Variants in INVS observed in about 807,000 individuals in gnomAD.
INVS encodes the protein inversion of embryo turning homolog.
Under a neutral mutation model 108.8 loss-of-function variants are expected in INVS, and 86 were observed. The ratio of observed to expected loss-of-function variants is 0.79; its 90% CI spans 0.66 to 0.95. INVS has a LOEUF of 0.95. Ranked by LOEUF, INVS falls within the 40% of genes least tolerant of loss-of-function variation. The pLI, the probability that INVS is intolerant of heterozygous loss-of-function variation, is 0.00. For missense variants in INVS, 1,169 were observed against 1,297.4 expected (o/e 0.90, Z 1.52); for synonymous variants, 455 against 473.5 (o/e 0.96, Z 0.51).
chr9:100,189,909 C>T (rs942789636), intron 3 of INVS, among the ~76,000 whole-genome samples: 2 of 151,848 alleles, frequency 1.3e-5, no homozygotes, highest in Non-Finnish European at 2.9e-5. Context: ...GTAGAATTTT[C>T]TGTATTGGTT....
intron 1 of INVS, among the ~76,000 whole-genome samples, chr9:100,100,887 A>AATATATATATTATATATGTATATATAAT (rs1486795978): frequency 2.0e-5 from 1 of 49,788 alleles, no homozygotes; most frequent in Non-Finnish European, 3.2e-5. Context: ...ATGTATATAT[A>AATATATATATTATATATGTATATATAAT]ATATATATTA....
intron 3 of INVS, among the ~76,000 whole-genome samples, chr9:100,142,353 C>T (rs536234966): frequency 5.9e-5 from 9 of 152,198 alleles, no homozygotes; most frequent in South Asian, 2.1e-4. Context: ...GGGGGCAGAG[C>T]GGTAGCCTCA....
chr9:100,123,998 G>A (rs1346045860), intron 2 of INVS, among the ~76,000 whole-genome samples: 3 of 152,064 alleles, frequency 2.0e-5, no homozygotes, highest in Admixed American at 6.6e-5. Context: ...TAGTAGAGAC[G>A]GGTTTTTGCC....
intron 16 of INVS, among the ~76,000 whole-genome samples, chr9:100,299,414 T>C (rs1181633384): frequency 2.0e-5 from 3 of 151,938 alleles, no homozygotes; most frequent in African/African-American, 4.8e-5. Context: ...AAGGTGGATA[T>C]AGCAAAATGC....
chr9:100,107,710 C>T (rs1827223450), intron 2 of INVS, among the ~76,000 whole-genome samples: 1 of 152,064 alleles, frequency 6.6e-6, no homozygotes, highest in Admixed American at 6.6e-5. Flanking sequence ...CCCTCTTGGC[C>T]CTCTGTAGTT....
chr9:100,186,092 G>C (rs1314148510), intron 3 of INVS, among the ~76,000 whole-genome samples: 1 of 152,020 alleles, frequency 6.6e-6, no homozygotes, highest in East Asian at 1.9e-4. Context: ...TGGGTCAAAT[G>C]GTAGATCTAC....
At chr9:100,113,416 C>T (rs1329115465) in intron 2 of INVS, among the ~76,000 whole-genome samples, 1 of 152,178 alleles carries the variant, frequency 6.6e-6, no homozygotes, top group Non-Finnish European at 1.5e-5. Context: ...TGCTTTTTAC[C>T]AGCGAAGTAA....
At chr9:100,160,161 G>C (rs1367327123) in intron 3 of INVS, among the ~76,000 whole-genome samples, 1 of 152,136 alleles carries the variant, frequency 6.6e-6, no homozygotes, top group Non-Finnish European at 1.5e-5. Flanking sequence ...CATATTCTGA[G>C]GGCATATTCT....
At chr9:100,236,626 G>T (rs1831694455) in intron 5 of INVS, among the ~76,000 whole-genome samples, 1 of 152,122 alleles carries the variant, frequency 6.6e-6, no homozygotes, top group Non-Finnish European at 1.5e-5. Flanking sequence ...TCTTCTAGGG[G>T]CCTGCTGGAG....
At chr9:100,237,571 C>T (rs1831728937) in intron 5 of INVS, among the ~76,000 whole-genome samples, 1 of 152,122 alleles carries the variant, frequency 6.6e-6, no homozygotes, top group South Asian at 2.1e-4. Context: ...CCGTCCCTGC[C>T]GGCACTGTGC....
intron 3 of INVS, among the ~76,000 whole-genome samples, chr9:100,174,672 G>A (rs1268799843): frequency 6.6e-6 from 1 of 152,116 alleles, no homozygotes. Context: ...CTGCACTTTG[G>A]GAGGCTGAGG....
intron 3 of INVS, among the ~76,000 whole-genome samples, chr9:100,177,438 G>A (rs888861417): frequency 6.6e-6 from 1 of 152,180 alleles, no homozygotes; most frequent in African/African-American, 2.4e-5. Context: ...AGCTTGGTGG[G>A]GGGAGGGGCG....
intron 3 of INVS, among the ~76,000 whole-genome samples, chr9:100,219,423 TA>T (rs1831078378): frequency 3.3e-5 from 5 of 152,144 alleles, no homozygotes; most frequent in Admixed American, 3.3e-4. Flanking sequence ...CTGGGCAAGC[TA>T]TAGCAAGACC....
chr9:100,224,152 C>T (rs187561654), intron 3 of INVS, among the ~76,000 whole-genome samples: 7 of 152,286 alleles, frequency 4.6e-5, no homozygotes, highest in Non-Finnish European at 7.3e-5. Flanking sequence ...AGCCAGGTGC[C>T]GCGGTGTGGA....
intron 3 of INVS, among the ~76,000 whole-genome samples, chr9:100,171,651 A>G (rs1320144000): frequency 1.3e-5 from 2 of 152,160 alleles, no homozygotes; most frequent in East Asian, 3.8e-4. Context: ...AAACTTGAAT[A>G]TTATTTAAAT....
Position 100,301,767 on chromosome 9 carries a change from G to A in INVS, c.*1093G>A, listed in dbSNP as rs756626071. 1.3e-5 allele frequency among the ~76,000 whole-genome samples: 2 copies of A among 151,708 alleles called. No homozygotes were observed. The highest frequency in any genetic ancestry group is 2.9e-5 in the Non-Finnish European group (2 of 67,918). The stretch of plus-strand genomic sequence containing the variant: ...CTAACGGTAAGAGATAGACAGATAG[G>A]CAATGAAGTGTTCACTTAATTACCT... On this transcript the variant is annotated 3_prime_UTR_variant, in exon 17 of 17. Transcript: ENST00000262457.
chr9:100,113,525 C>G (rs961677307), intron 2 of INVS, among the ~76,000 whole-genome samples: 2 of 152,144 alleles, frequency 1.3e-5, no homozygotes, highest in Non-Finnish European at 2.9e-5. Context: ...TAGTTTCATG[C>G]CCAAAACAAC....
At chr9:100,109,281 G>T (rs1033246372) in intron 2 of INVS, among the ~76,000 whole-genome samples, 1 of 152,200 alleles carries the variant, frequency 6.6e-6, no homozygotes, top group Non-Finnish European at 1.5e-5. Flanking sequence ...ACTTGTGTGA[G>T]AGTTAAATGA....
intron 5 of INVS, among the ~76,000 whole-genome samples, chr9:100,233,065 A>G (rs1457997704): frequency 6.6e-6 from 1 of 151,874 alleles, no homozygotes; most frequent in Non-Finnish European, 1.5e-5. Context: ...TCAGGGAACT[A>G]CAATGTGAAG....
Sources: allele counts gnomAD v4.1 joint callset (sites outside exome capture counted in the v4.1 genomes callset), GRCh38; gene constraint gnomAD v4.1.1; transcripts MANE v1.5; gene names NCBI Gene and HGNC (gene_info 2026-07-23, HGNC 2026-07-21).